The following GRID1 variants were observed in gnomAD, a reference collection of about 807,000 sequenced individuals.
GRID1 encodes glutamate ionotropic receptor delta type subunit 1.
Under a neutral mutation model 98.0 loss-of-function variants are expected in GRID1, and 28 were observed. The ratio of observed to expected loss-of-function variants is 0.29; its 90% CI spans 0.21 to 0.39. The LOEUF (loss-of-function observed/expected upper bound fraction) is 0.39, where lower values mean the gene tolerates loss of function less well. Ranked by LOEUF, GRID1 falls within the 10% of genes least tolerant of loss-of-function variation. The pLI, the probability that GRID1 is intolerant of heterozygous loss-of-function variation, is 1.00. For synonymous variants in GRID1, 553 were observed against 538.5 expected (o/e 1.03, Z -0.37); for missense variants, 1,111 against 1,340.5 (o/e 0.83, Z 2.67).
Position 86,045,784 on chromosome 10 carries a change from C to T in GRID1, c.726+93035G>A, listed in dbSNP as rs1277698965. 2.0e-5 allele frequency among the ~76,000 whole-genome samples: 3 copies of T among 152,214 alleles called. No individual in the cohort carries two copies. In the East Asian group the frequency reaches 5.8e-4, roughly 29 times the overall value. On this transcript the variant is annotated intron_variant, in intron 4 of 15. Transcript: ENST00000327946. ...TAATGACTGGTCATTGGTGTGAAGG[C>T]CGTTGTTATGGTTGGAAACAGAGGA...
intron 4 of GRID1, among the ~76,000 whole-genome samples, chr10:85,932,027 G>A (rs960311419): frequency 6.6e-6 from 1 of 152,192 alleles, no homozygotes; most frequent in Non-Finnish European, 1.5e-5. Flanking sequence ...TATCGAACAT[G>A]TCAATCTCTG....
intron 8 of GRID1, among the ~76,000 whole-genome samples, chr10:85,760,688 C>A (rs761152849): frequency 1.3e-5 from 2 of 152,128 alleles, no homozygotes; most frequent in Non-Finnish European, 2.9e-5. Flanking sequence ...ATTTGCAACA[C>A]GTTCTATAGT....
chr10:85,999,511 C>T (rs1441241458), intron 4 of GRID1, among the ~76,000 whole-genome samples: 1 of 152,046 alleles, frequency 6.6e-6, no homozygotes, highest in Non-Finnish European at 1.5e-5. Context: ...AGTACAAAAA[C>T]AGAAAACTGC....
intron 2 of GRID1, among the ~76,000 whole-genome samples, chr10:86,350,622 G>C (rs1296446045): frequency 6.6e-6 from 1 of 152,190 alleles, no homozygotes; most frequent in East Asian, 1.9e-4. Context: ...GCTCTGGGCA[G>C]TTTGTAATGT....
intron 4 of GRID1, among the ~76,000 whole-genome samples, chr10:86,118,779 C>T (rs1219896849): frequency 2.6e-5 from 4 of 152,190 alleles, no homozygotes; most frequent in Non-Finnish European, 5.9e-5. Flanking sequence ...ATGAGAATGG[C>T]ACTACCTCCA....
At chr10:85,753,695 T>C (rs1462245365) in intron 8 of GRID1, among the ~76,000 whole-genome samples, 1 of 152,256 alleles carries the variant, frequency 6.6e-6, no homozygotes, top group Non-Finnish European at 1.5e-5. Flanking sequence ...CCTACAGCTA[T>C]GTCCTGATAG....
chr10:85,866,174 A>C (rs2131790315), intron 6 of GRID1, among the ~76,000 whole-genome samples: 1 of 151,108 alleles, frequency 6.6e-6, no homozygotes. Context: ...TTGAGTACCC[A>C]TGGGAGAGAT....
chr10:86,100,567 T>C (rs994670960), intron 4 of GRID1, among the ~76,000 whole-genome samples: 1 of 151,762 alleles, frequency 6.6e-6, no homozygotes, highest in Non-Finnish European at 1.5e-5. Flanking sequence ...GGAGAGAAAA[T>C]GGCAAGCTGG....
chr10:86,307,952 T>C (rs1018972048), intron 2 of GRID1, among the ~76,000 whole-genome samples: 2 of 152,138 alleles, frequency 1.3e-5, no homozygotes, highest in Non-Finnish European at 2.9e-5. Flanking sequence ...ACATATACAA[T>C]CTCCTGTTTT....
intron 4 of GRID1, among the ~76,000 whole-genome samples, chr10:85,924,547 T>C (rs1841749168): frequency 6.6e-6 from 1 of 152,210 alleles, no homozygotes; most frequent in Non-Finnish European, 1.5e-5. Context: ...CTAGTTCCCA[T>C]ATATCATGCC....
intron 4 of GRID1, among the ~76,000 whole-genome samples, chr10:86,083,067 G>A (rs1038410001): frequency 2.6e-5 from 4 of 152,236 alleles, no homozygotes; most frequent in Non-Finnish European, 5.9e-5. Context: ...GACACATAGT[G>A]GGGGCTCAGT....
intron 4 of GRID1, among the ~76,000 whole-genome samples, chr10:86,058,923 C>T (rs977642756): frequency 2.6e-5 from 4 of 152,140 alleles, no homozygotes; most frequent in African/African-American, 4.8e-5. Context: ...GCTGGATAAA[C>T]GCTAGGAAGA....
At chr10:85,819,155 G>A (rs1306393369) in intron 8 of GRID1, among the ~76,000 whole-genome samples, 1 of 152,134 alleles carries the variant, frequency 6.6e-6, no homozygotes, top group Non-Finnish European at 1.5e-5. Flanking sequence ...AGAATTCCAA[G>A]TAAAGTAAGA....
At chr10:85,787,555 G>C (rs953513276) in intron 8 of GRID1, among the ~76,000 whole-genome samples, 2 of 152,090 alleles carry the variant, frequency 1.3e-5, no homozygotes, top group African/African-American at 4.8e-5. Context: ...AACAACAAGG[G>C]GCTGATGTCG....
At chr10:86,058,160 C>A (rs1326499509) in intron 4 of GRID1, among the ~76,000 whole-genome samples, 1 of 152,042 alleles carries the variant, frequency 6.6e-6, no homozygotes, top group Non-Finnish European at 1.5e-5. Context: ...ACAAATGAGA[C>A]CCCTGGGCCC....
At chr10:86,217,214 A>G (rs1433947330) in intron 2 of GRID1, among the ~76,000 whole-genome samples, 2 of 152,144 alleles carry the variant, frequency 1.3e-5, no homozygotes, top group African/African-American at 4.8e-5. Context: ...TCTGATCTCA[A>G]AGTTAAGAGA....
rs5786718 is a variant in GRID1 at position 85,667,316 on chromosome 10, CAGAGAGAGAG to C, written c.1998-19929_1998-19920del. On this transcript the variant is annotated intron_variant, in intron 12 of 15. Coordinates refer to ENST00000327946, the MANE Select transcript of GRID1 (RefSeq NM_017551.3). ...AACTCTTTCTAAAATCACACACACACAGAGAGAGAGAGAGAGAGAGAGAGAGAGAGACGAA... is the reference window on the plus strand; with the variant it reads ...AACTCTTTCTAAAATCACACACACACAGAGAGAGAGAGAGAGAGAGACGAA... Among the ~76,000 whole-genome samples the C allele has an allele frequency of 5.4e-5, 8 of 148,906 alleles. No homozygotes were observed. The East Asian group carries it at 6.0e-4, about 11-fold the overall frequency.
At chr10:85,919,837 T>A (rs75468499) in intron 4 of GRID1, among the ~76,000 whole-genome samples, 4,255 of 152,276 alleles carry the variant, frequency 0.028, 186 homozygotes, top group African/African-American at 0.096. Context: ...CCCATAAGGC[T>A]TTTGAATACC....
intron 5 of GRID1, among the ~76,000 whole-genome samples, chr10:85,876,981 A>G (rs1020069278): frequency 6.6e-6 from 1 of 152,212 alleles, no homozygotes; most frequent in Non-Finnish European, 1.5e-5. Flanking sequence ...GGAGGGTCCT[A>G]CGCCCACGGA....
Sources: allele counts gnomAD v4.1 joint callset (sites outside exome capture counted in the v4.1 genomes callset), GRCh38; gene constraint gnomAD v4.1.1; transcripts MANE v1.5; gene names NCBI Gene and HGNC (gene_info 2026-07-23, HGNC 2026-07-21).